RASSF8: variants seen among roughly 807,000 people sequenced by gnomAD.
RASSF8 encodes the protein Ras association domain family member 8, also known as ras association domain-containing protein 8.
In RASSF8, 22 loss-of-function variants were observed where a neutral mutation model predicts 48.5. The observed-to-expected ratio is 0.45, with a 90% CI of 0.32 to 0.65. The LOEUF (loss-of-function observed/expected upper bound fraction) is 0.65, where lower values mean the gene tolerates loss of function less well. Ranked by LOEUF, RASSF8 falls within the 30% of genes least tolerant of loss-of-function variation. The pLI is 0.03. For synonymous variants in RASSF8, 127 were observed against 171.5 expected (o/e 0.74, Z 2.03); for missense variants, 418 against 489.2 (o/e 0.85, Z 1.37).
intron 2 of RASSF8, among the ~76,000 whole-genome samples, chr12:26,034,418 A>G (rs918813425): frequency 1.4e-3 from 208 of 152,074 alleles, no homozygotes; most frequent in African/African-American, 4.8e-3. Flanking sequence ...AAAAAAAAAA[A>G]AAAATCTCAT....
At chr12:26,077,011 A>G (rs1248185355), downstream of RASSF8, among the ~76,000 whole-genome samples, 16 of 152,322 alleles carry the variant, frequency 1.1e-4, no homozygotes, top group South Asian at 2.9e-3. Context: ...TTCTCTGATG[A>G]CCAGTGATGA....
At position 26,024,415 on chromosome 12, in the gene RASSF8, A is replaced by G. The variant is rs141901962; in HGVS notation, c.-109+29285A>G. Among the ~76,000 whole-genome samples, 1,004 of 152,342 alleles carry G rather than the reference A, an allele frequency of 6.6e-3. 13 individuals are homozygous for G. The highest frequency in any genetic ancestry group is 0.023 in the African/African-American group (957 of 41,586). ...AACATTTTAGCAAGAGTTAATACCA[A>G]TTCTTCATGAACTCTTCCAAAAGTA... On this transcript the variant is annotated intron_variant, in intron 2 of 5. Transcript: ENST00000689635.
intron 1 of RASSF8, among the ~76,000 whole-genome samples, chr12:25,990,301 C>T (rs1391744672): frequency 6.6e-6 from 1 of 152,082 alleles, no homozygotes; most frequent in East Asian, 1.9e-4. Flanking sequence ...AGCTTTTTTC[C>T]AAATCTCTTT....
rs934620426 is a variant in RASSF8, at chr12:26,070,071, T to G, written c.*1253T>G. The G allele has an allele frequency of 2.9e-5, 29 of 983,160 alleles. No homozygotes were observed. Among genetic ancestry groups the G allele is most frequent in the South Asian group, 4.7e-5 (1 of 21,258 alleles). The allele number at this position is 983,160 out of a possible 1,614,324, so 60.9% of individuals were successfully genotyped here. On this transcript the variant is annotated 3_prime_UTR_variant, in exon 6 of 6. Coordinates refer to ENST00000689635, the MANE Select transcript of RASSF8 (RefSeq NM_001394098.1). ...ACAAGTAATATTTAGACAGATTCAG[T>G]CAGACACCACTTAGCCATTTTTACA... is the stretch of plus-strand genomic sequence containing the variant.
At chr12:26,038,009 G>A (rs1565630828) in intron 2 of RASSF8, among the ~76,000 whole-genome samples, 1 of 152,188 alleles carries the variant, frequency 6.6e-6, no homozygotes. Flanking sequence ...TATTTGCACG[G>A]CATCCCCTCC....
At chr12:26,035,690 G>GT (rs1156592251) in intron 2 of RASSF8, among the ~76,000 whole-genome samples, 40 of 138,598 alleles carry the variant, frequency 2.9e-4, no homozygotes, top group African/African-American at 4.5e-4. Context: ...ATAAACACTT[G>GT]TTTTTTTTTA....
chr12:25,983,758 A>G (rs999200169), intron 1 of RASSF8, among the ~76,000 whole-genome samples: 13 of 152,200 alleles, frequency 8.5e-5, no homozygotes, highest in Non-Finnish European at 1.9e-4. Flanking sequence ...GGCATTTTTT[A>G]TCTGTACAGT....
chr12:25,965,400 C>G (rs1357998483), intron 1 of RASSF8, among the ~76,000 whole-genome samples: 3 of 132,612 alleles, frequency 2.3e-5, no homozygotes, highest in Non-Finnish European at 4.7e-5. Flanking sequence ...GGGTCTTGCT[C>G]TGTTGCCCAG....
At chr12:26,016,393 A>G (rs1592270161) in intron 2 of RASSF8, among the ~76,000 whole-genome samples, 2 of 152,184 alleles carry the variant, frequency 1.3e-5, no homozygotes, top group South Asian at 2.1e-4. Flanking sequence ...AGATCTTCCC[A>G]ATAATCTTTA....
At chr12:26,060,937 A>G (rs564571658) in intron 3 of RASSF8, among the ~76,000 whole-genome samples, 24 of 152,286 alleles carry the variant, frequency 1.6e-4, no homozygotes, top group Non-Finnish European at 3.2e-4. Context: ...ATAATGTCCA[A>G]TATTCATCTT....
At chr12:25,985,403 G>A (rs553594014) in intron 1 of RASSF8, among the ~76,000 whole-genome samples, 4 of 152,150 alleles carry the variant, frequency 2.6e-5, no homozygotes, top group Non-Finnish European at 4.4e-5. Flanking sequence ...AGTATCCACC[G>A]AAGGGAAATA....
intron 2 of RASSF8, among the ~76,000 whole-genome samples, chr12:26,031,634 T>C (rs1943032957): frequency 6.6e-6 from 1 of 152,092 alleles, no homozygotes; most frequent in African/African-American, 2.4e-5. Flanking sequence ...GCAGTAAGAA[T>C]GGTAAGTAGT....
intron 3 of RASSF8, among the ~76,000 whole-genome samples, chr12:26,061,736 A>G (rs1943747970): frequency 1.3e-5 from 2 of 152,312 alleles, no homozygotes; most frequent in Admixed American, 1.3e-4. Context: ...CAAGTTATGG[A>G]TATTAAAAAC....
chr12:26,011,111 C>T (rs1475615859), intron 2 of RASSF8, among the ~76,000 whole-genome samples: 2 of 152,168 alleles, frequency 1.3e-5, no homozygotes, highest in Non-Finnish European at 2.9e-5. Context: ...CATTAGAAAC[C>T]ACAGGAACCC....
At chr12:26,060,991 G>A (rs979326394) in intron 3 of RASSF8, among the ~76,000 whole-genome samples, 1 of 152,120 alleles carries the variant, frequency 6.6e-6, no homozygotes, top group African/African-American at 2.4e-5. Context: ...TCAAATGTCA[G>A]TTAAAATGAA....
chr12:26,063,371 T>G (rs1943789176), intron 3 of RASSF8, among the ~76,000 whole-genome samples: 1 of 152,282 alleles, frequency 6.6e-6, no homozygotes, highest in Non-Finnish European at 1.5e-5. Flanking sequence ...TTTTTCAATG[T>G]ATATGTGATT....
chr12:25,968,879 G>C (rs1304312398), intron 1 of RASSF8, among the ~76,000 whole-genome samples: 1 of 152,234 alleles, frequency 6.6e-6, no homozygotes, highest in Admixed American at 6.5e-5. Flanking sequence ...GAGTAGAGGT[G>C]TTATTTGATA....
rs61465811 is a variant in RASSF8 at position 26,058,538 on chromosome 12, GCACACACA to G, written c.103+3109_103+3116del. Among the ~76,000 whole-genome samples, 528 of 149,102 alleles carry G rather than the reference GCACACACA, an allele frequency of 3.5e-3. 1 individual carries two copies. Among genetic ancestry groups the G allele is most frequent in the African/African-American group, 0.011 (452 of 40,516 alleles). ...ACTACACACATGCGCACGCGCGCGC[GCACACACA>G]CACACACACACACACAGAGTGTATT... On this transcript the variant is annotated intron_variant, in intron 3 of 5. Transcript: ENST00000689635.
At chr12:25,960,087 A>T (rs1293770083) in intron 1 of RASSF8, among the ~76,000 whole-genome samples, 1 of 152,178 alleles carries the variant, frequency 6.6e-6, no homozygotes, top group Non-Finnish European at 1.5e-5. Context: ...AGCAGGGACG[A>T]ACATTTATGG....
Sources: allele counts gnomAD v4.1 joint callset (sites outside exome capture counted in the v4.1 genomes callset), GRCh38; gene constraint gnomAD v4.1.1; transcripts MANE v1.5; gene names NCBI Gene and HGNC (gene_info 2026-07-23, HGNC 2026-07-21).